CRYBA1: variants seen among roughly 807,000 people sequenced by gnomAD.
The protein encoded by CRYBA1 is beta-crystallin A3.
CRYBA1 carries 25 observed loss-of-function variants against 36.2 expected under a neutral mutation model. The observed-to-expected ratio is 0.69, with a 90% CI of 0.50 to 0.97. The LOEUF (loss-of-function observed/expected upper bound fraction) is 0.97, where lower values mean the gene tolerates loss of function less well. Among genes scored for constraint, CRYBA1 ranks in the 50% least tolerant of loss-of-function variants. The pLI is 0.00. For synonymous variants in CRYBA1, 111 were observed against 90.0 expected (o/e 1.23, Z -1.32); for missense variants, 224 against 276.3 (o/e 0.81, Z 1.34).
intron 4 of CRYBA1, among the ~76,000 whole-genome samples, chr17:29,252,682 C>T (rs2068943452): frequency 6.6e-6 from 1 of 152,166 alleles, no homozygotes; most frequent in African/African-American, 2.4e-5. Context: ...AAGTATTACT[C>T]AATAATGCAT....
rs781751778 is a variant in CRYBA1, at chr17:29,254,429, TCA to T, written c.*83_*84del. Reference sequence around the variant, plus strand: ...CTCTAGAATAAGTTTTATGTTCTGCTCACAGACATTGCTTTCAAATGTTAGCT... The same window carrying T: ...CTCTAGAATAAGTTTTATGTTCTGCTCAGACATTGCTTTCAAATGTTAGCT... On this transcript the variant is annotated 3_prime_UTR_variant, in exon 6 of 6. Coordinates refer to ENST00000225387, the MANE Select transcript of CRYBA1 (RefSeq NM_005208.5). The T allele has an allele frequency of 8.3e-6, 12 of 1,439,834 alleles. No individual in the cohort carries two copies. The highest frequency in any genetic ancestry group is 2.3e-5 in the East Asian group (1 of 44,050). The allele number at this position is 1,439,834 out of a possible 1,614,324, so 89.2% of individuals were successfully genotyped here. A position where few individuals can be genotyped will look rare whatever the true frequency, so the allele number is the denominator to read the frequency against.
intron 4 of CRYBA1, 59 bp from the exon 5 acceptor site, chr17:29,253,581 T>TG: frequency 7.1e-7 from 1 of 1,398,842 alleles, no homozygotes. Context: ...TTGAAAAACA[T>TG]GAAGAATGAT....
chr17:29,249,212 C>G lies in CRYBA1; in HGVS notation c.96+6C>G. ...GGTCCCTGGGGCCATGGAAGGTAAG[C>G]CCACCCCCATCACATCCAACAGGGC... On this transcript the variant is annotated splice_donor_region_variant and intron_variant, in intron 2 of 5. Transcript: ENST00000225387. 1 of 1,597,206 alleles carries G rather than the reference C, an allele frequency of 6.3e-7. No homozygotes were observed. The highest frequency in any genetic ancestry group is 8.6e-7 in the Non-Finnish European group (1 of 1,164,638).
At chr17:29,253,566 C>T in intron 4 of CRYBA1, 74 bp from the exon 5 acceptor site, 2 of 1,306,110 alleles carry the variant, frequency 1.5e-6, no homozygotes, top group Non-Finnish European at 2.2e-6. Context: ...AAAAGTGTTT[C>T]AATTTTGAAA....
chr17:29,253,147 C>T (rs1445197000), intron 4 of CRYBA1, among the ~76,000 whole-genome samples: 4 of 152,170 alleles, frequency 2.6e-5, no homozygotes, highest in Non-Finnish European at 5.9e-5. Context: ...GCTCCCCTAC[C>T]ACTTTCTATT....
At chr17:29,250,146 G>A in intron 2 of CRYBA1, 36 bp from the exon 3 acceptor site, 2 of 1,180,588 alleles carry the variant, frequency 1.7e-6, no homozygotes, top group Non-Finnish European at 2.6e-6. Flanking sequence ...TTTTCCTGAT[G>A]TTCTAGCTCT....
At chr17:29,248,835 G>A (rs1158236508) in intron 1 of CRYBA1, among the ~76,000 whole-genome samples, 3 of 151,980 alleles carry the variant, frequency 2.0e-5, no homozygotes, top group Non-Finnish European at 4.4e-5. Context: ...GGACATAGTG[G>A]TGCATGCCTG....
chr17:29,251,719 T>A (rs1477604731), intron 3 of CRYBA1, among the ~76,000 whole-genome samples: 1 of 152,134 alleles, frequency 6.6e-6, no homozygotes, highest in East Asian at 1.9e-4. Context: ...GCTCAAGCGA[T>A]CTGCTTGCCT....
intron 3 of CRYBA1, among the ~76,000 whole-genome samples, chr17:29,251,496 A>T (rs8075385): frequency 0.23 from 33,589 of 148,170 alleles, 4,111 homozygotes; most frequent in East Asian, 0.34. Context: ...AGAAAAAAAA[A>T]TTTTTTTTTT....
At chr17:29,249,023 C>G in intron 1 of CRYBA1, 119 bp from the exon 2 acceptor site, 1 of 754,278 alleles carries the variant, frequency 1.3e-6, no homozygotes, top group Non-Finnish European at 2.4e-6. Context: ...AGCAGCAGAG[C>G]CAGAATTTCA....
At chr17:29,249,695 C>A (rs1216265801) in intron 2 of CRYBA1, among the ~76,000 whole-genome samples, 1 of 152,218 alleles carries the variant, frequency 6.6e-6, no homozygotes, top group East Asian at 1.9e-4. Flanking sequence ...CACAGCTTTG[C>A]GAGTGGTCCT....
intron 3 of CRYBA1, 44 bp from the exon 4 acceptor site, chr17:29,252,020 A>G (rs556710885): frequency 1.1e-5 from 17 of 1,613,804 alleles, no homozygotes; most frequent in Non-Finnish European, 1.4e-5. Context: ...CCAAGGCCAT[A>G]TAGGCTTTGA....
In CRYBA1 at chr17:29,254,324, A is replaced by G. The variant is rs2068955850; in HGVS notation, c.623A>G (p.Gln208Arg). 6.2e-7 allele frequency: 1 copy of G among 1,614,082 alleles called. No individual in the cohort carries two copies. The highest frequency in any genetic ancestry group is 1.3e-5 in the African/African-American group (1 of 74,920). Residue 208 changes from glutamine to arginine, a missense_variant, in exon 6 of 6, where the codon CAA (glutamine) becomes CGA (arginine). Transcript: ENST00000225387. The stretch of plus-strand genomic sequence containing the variant: ...TCTCATGCCCAGACTTCGCAGATCC[A>G]ATCGATTCGCCGAATCCAACAGTAG... Reference protein sequence around the residue: ...WGSHAQTSQIQSIRRIQQ With the variant: ...WGSHAQTSQIRSIRRIQQ
At chr17:29,253,340 C>T (rs2068947592) in intron 4 of CRYBA1, among the ~76,000 whole-genome samples, 1 of 152,196 alleles carries the variant, frequency 6.6e-6, no homozygotes, top group Admixed American at 6.5e-5. Context: ...TCTTTTTTCA[C>T]ATTAGTGAAT....
At chr17:29,253,329 ATCT>A (rs1268924758) in intron 4 of CRYBA1, among the ~76,000 whole-genome samples, 1 of 152,210 alleles carries the variant, frequency 6.6e-6, no homozygotes, top group Non-Finnish European at 1.5e-5. Context: ...AATCTGTGAG[ATCT>A]TTTTTCACAT....
chr17:29,252,392 A>ACTTCCC (rs1237827199), intron 4 of CRYBA1, among the ~76,000 whole-genome samples, 187 bp downstream of exon 4: 1 of 152,228 alleles, frequency 6.6e-6, no homozygotes, highest in Non-Finnish European at 1.5e-5. Context: ...ACCAGGTGGT[A>ACTTCCC]CTTCCCTTAA....
intron 5 of CRYBA1, 57 bp from the exon 6 acceptor site, chr17:29,254,145 G>A (rs888063817): frequency 2.2e-5 from 35 of 1,586,494 alleles, no homozygotes; most frequent in Non-Finnish European, 6.0e-6. Context: ...CAGGTTTTGG[G>A]GTATTAACCA....
rs533102637 is a variant in CRYBA1, at chr17:29,254,362, T to C, written c.*13T>C. 4 of 1,613,976 alleles carry C rather than the reference T, an allele frequency of 2.5e-6. No homozygotes were observed. The highest frequency in any genetic ancestry group is 1.6e-4 in the Middle Eastern group (1 of 6,062). On this transcript the variant is annotated 3_prime_UTR_variant, in exon 6 of 6. Transcript: ENST00000225387. ...AATCCAACAGTAGCTGATTAAAAGCTCCAAGTACGATAATTCCTCAAGCAT... is the reference window on the plus strand; with the variant it reads ...AATCCAACAGTAGCTGATTAAAAGCCCCAAGTACGATAATTCCTCAAGCAT...
intron 3 of CRYBA1, 86 bp from the exon 4 acceptor site, chr17:29,251,978 T>C (rs1015985718): frequency 6.4e-7 from 1 of 1,567,196 alleles, no homozygotes; most frequent in Non-Finnish European, 8.8e-7. Context: ...TACCCCACTA[T>C]TGACTTATCT....
Sources: allele counts gnomAD v4.1 joint callset (sites outside exome capture counted in the v4.1 genomes callset), GRCh38; gene constraint gnomAD v4.1.1; transcripts MANE v1.5; gene names NCBI Gene and HGNC (gene_info 2026-07-23, HGNC 2026-07-21).